TTN: variants seen among roughly 807,000 people sequenced by gnomAD.
TTN encodes the protein connectin.
Under a neutral mutation model 3,223.0 loss-of-function variants are expected in TTN, and 1,525 were observed. That is an observed-to-expected ratio of 0.47 (90% CI 0.45 to 0.49). The LOEUF (loss-of-function observed/expected upper bound fraction) is 0.49, where lower values mean the gene tolerates loss of function less well. TTN is among the 20% of genes least tolerant of loss of function. TTN has a pLI of 0.00. For missense variants in TTN, 40,786 were observed against 43,424.0 expected, an observed-to-expected ratio of 0.94 and a Z score of 5.40; for synonymous variants, 14,094 against 15,161.0, an observed-to-expected ratio of 0.93 and a Z score of 5.17.
At position 178,724,524 on chromosome 2, in the gene TTN, CAAT is replaced by C. The variant is rs750157545; in HGVS notation, c.20848_20850del (p.Ile6950del). 1 of 1,595,060 alleles carries C rather than the reference CAAT, an allele frequency of 6.3e-7. No individual in the cohort carries two copies. ...ACCGTCATCGGTCCTGCCTTCTCAACAATGACTGCGGGCTCTGAAATAAAACGT... is the reference window on the plus strand; with the variant it reads ...ACCGTCATCGGTCCTGCCTTCTCAACGACTGCGGGCTCTGAAATAAAACGT... On this transcript the variant is annotated inframe_deletion, in exon 72 of 363. Transcript: ENST00000589042.
intron 1 of TTN, among the ~76,000 whole-genome samples, chr2:178,806,200 T>C (rs1156395743): frequency 6.6e-6 from 1 of 152,022 alleles, no homozygotes; most frequent in African/African-American, 2.4e-5. Context: ...CTTTCATAAA[T>C]TTTTTTTGTC....
rs1057520389 is a variant in TTN, at chr2:178,802,244, A to G, written c.189T>C (p.Ala63=). 13 of 1,613,968 alleles carry G rather than the reference A, an allele frequency of 8.1e-6. No individual in the cohort carries two copies. Among genetic ancestry groups the G allele is most frequent in the Non-Finnish European group, 1.0e-5 (12 of 1,180,004 alleles). The change falls in exon 3 of 363, where the codon GCT becomes GCC. Residue 63 remains alanine (A), a synonymous_variant. Coordinates refer to ENST00000589042, the MANE Select transcript of TTN (RefSeq NM_001267550.2). ...GVQISFSDGR[A]KLTIPAVTKA... ...TAGTCACGGCGGGGATCGTCAGTTT[A>G]GCGCGGCCATCGCTAAAGGAGATCT...
rs768727194 is a variant in TTN at position 178,741,051 on chromosome 2, G to C, written c.12182C>G (p.Ala4061Gly). The C allele has an allele frequency of 1.2e-6, 2 of 1,613,906 alleles. No individual in the cohort carries two copies. Among genetic ancestry groups the C allele is most frequent in the South Asian group, 1.1e-5 (1 of 91,078 alleles). Residue 4061 changes from alanine (A) to glycine (G), a missense_variant, in exon 48 of 363, where the codon GCA becomes GGA. Transcript: ENST00000589042. ...DFPQTPLKGPAVEALDSEQEI... is the reference protein window; with the variant it reads ...DFPQTPLKGPGVEALDSEQEI... The stretch of plus-strand genomic sequence containing the variant: ...CTGCTCTGAGTCAAGTGCTTCAACT[G>C]CGGGACCCTTTAAGGGTGTCTGTGG...
chr2:178,794,608 T>TA, intron 7 of TTN, 57 bp from the exon 8 acceptor site: 3 of 1,610,502 alleles, frequency 1.9e-6, no homozygotes, highest in Non-Finnish European at 2.5e-6. Flanking sequence ...CAGTAGAAAA[T>TA]AAAAAAGCAT....
Position 178,732,476 on chromosome 2 carries a change from C to T in TTN, c.16585G>A (p.Gly5529Arg). ...TYTCKVSNVA[G>R]GVECSANLFV... ...AAGTTTGCACTGCATTCCACCCCTC[C>T]AGCGACATTGCTGACTTTACATGTG... Residue 5529 changes from glycine (G) to arginine (R), a missense_variant, in exon 56 of 363, where the codon GGA becomes AGA. Transcript: ENST00000589042. The T allele has an allele frequency of 6.2e-7, 1 of 1,612,688 alleles. No individual in the cohort carries two copies. The highest frequency in any genetic ancestry group is 1.7e-4 in the Middle Eastern group (1 of 6,048).
chr2:178,733,132 C>T lies in TTN; in HGVS notation c.16055-11G>A, dbSNP rs763387126. The stretch of plus-strand genomic sequence containing the variant: ...GAGCAATGTCTCGATCTGTGTGTTG[C>T]ACAAGAAGGGAGAAAAGGTCAATAT... On this transcript the variant is annotated splice_polypyrimidine_tract_variant and intron_variant, in intron 54 of 362. Transcript: ENST00000589042. 1.9e-6 allele frequency: 3 copies of T among 1,574,416 alleles called. No homozygotes were observed. The highest frequency in any genetic ancestry group is 2.4e-5 in the South Asian group (2 of 83,356).
intron 45 of TTN, 110 bp from the exon 46 acceptor site, chr2:178,756,907 T>A (rs757870687): frequency 5.4e-4 from 539 of 990,232 alleles, no homozygotes; most frequent in Non-Finnish European, 7.3e-4. Flanking sequence ...AAAGACGTAG[T>A]TGTCACTTGA....
At position 178,752,840 on chromosome 2, in the gene TTN, C is replaced by T. The variant is rs7590886; in HGVS notation, c.11311+284G>A. Among the ~76,000 whole-genome samples, 152,009 of 152,180 alleles carry T rather than the reference C, an allele frequency of 1. 75,919 individuals carry two copies. The highest frequency in any genetic ancestry group is 1 in the Non-Finnish European group (67,956 of 67,956). Reference sequence around the variant, plus strand: ...ATTTCATGCATTAAGATGACAACTTCTCCTAATATACACTTTTGGAAATGA... The same window carrying T: ...ATTTCATGCATTAAGATGACAACTTTTCCTAATATACACTTTTGGAAATGA... On this transcript the variant is annotated intron_variant, in intron 47 of 362. Coordinates refer to ENST00000589042, the MANE Select transcript of TTN (RefSeq NM_001267550.2).
At chr2:178,719,899 A>G in intron 81 of TTN, 67 bp from the exon 82 acceptor site, 1 of 1,549,920 alleles carries the variant, frequency 6.5e-7, no homozygotes, top group Non-Finnish European at 8.7e-7. Flanking sequence ...CAATCACTGA[A>G]TTACTGGATA....
At chr2:178,663,961 T>C (rs1159151253) in intron 169 of TTN, 54 bp downstream of exon 169, 2 of 1,610,930 alleles carry the variant, frequency 1.2e-6, no homozygotes, top group African/African-American at 1.3e-5. Flanking sequence ...GAAAAAAATA[T>C]TGTCAAGAGC....
chr2:178,802,014 T>C, intron 3 of TTN, 124 bp downstream of exon 3: 1 of 1,200,436 alleles, frequency 8.3e-7, no homozygotes, highest in African/African-American at 1.5e-5. Flanking sequence ...CAGCCTCCAG[T>C]AGACCCTTCT....
intron 243 of TTN, 129 bp from the exon 244 acceptor site, chr2:178,622,137 G>A: frequency 3.6e-6 from 3 of 834,390 alleles, no homozygotes; most frequent in Non-Finnish European, 3.6e-6. Context: ...GAAGAACCAA[G>A]GTGGCAGACA....
Position 178,719,675 on chromosome 2 carries a change from G to C in TTN, c.23817C>G (p.Phe7939Leu), listed in dbSNP as rs866647945. The C allele has an allele frequency of 6.2e-7, 1 of 1,613,680 alleles. No individual in the cohort carries two copies. Reference sequence around the variant, plus strand: ...TTTTAAGGGAAGCCACTTTATTGATGAATGTAATGTGATGTTTGCTGTCTG... The same window carrying C: ...TTTTAAGGGAAGCCACTTTATTGATCAATGTAATGTGATGTTTGCTGTCTG... Reference protein sequence around the residue: ...LSADSKHHITFINKVASLKIP... With the variant: ...LSADSKHHITLINKVASLKIP... The change falls in exon 82 of 363, where the codon TTC becomes TTG. Residue 7939 changes from phenylalanine (F) to leucine (L), a missense_variant. Phe to Leu is a conservative substitution (Grantham distance 22). Transcript: ENST00000589042.
Position 178,644,539 on chromosome 2 carries a change from G to A in TTN, c.40477+9C>T. ...TACATAAGTATGTATTTTTCAGCCT[G>A]TGAAATACCTTTCAGAGGTGTAAGC... On this transcript the variant is annotated intron_variant, in intron 218 of 362. Transcript: ENST00000589042. 1 of 1,569,092 alleles carries A rather than the reference G, an allele frequency of 6.4e-7. No homozygotes were observed. Among genetic ancestry groups the A allele is most frequent in the Non-Finnish European group, 8.6e-7 (1 of 1,161,892 alleles).
intron 321 of TTN, 72 bp downstream of exon 321, chr2:178,578,539 T>TCAA (rs1478250375): frequency 8.4e-7 from 1 of 1,187,152 alleles, no homozygotes; most frequent in East Asian, 2.5e-5. Flanking sequence ...AAGCACATGT[T>TCAA]CAACTGTTCT....
At chr2:178,622,887 C>T (rs2058505729) in intron 242 of TTN, 120 bp from the exon 243 acceptor site, 1 of 770,934 alleles carries the variant, frequency 1.3e-6, no homozygotes, top group East Asian at 2.7e-5. Context: ...TAATAGACTA[C>T]AACTGACTTT....
In TTN at chr2:178,552,995, C is replaced by T; in HGVS notation, c.89905G>A (p.Val29969Ile). ...TTGGTGGCATCTCTCTTTTCAATGA[C>T]ATAATTAATTATTGGAGATCCTCCA... ...IDGGSPIINY[V>I]IEKRDATKRT... is the part of the protein sequence containing the mutation. Residue 29969 changes from valine (V) to isoleucine (I), a missense_variant, in exon 335 of 363, where the codon GTC becomes ATC. Val to Ile is a conservative substitution (Grantham distance 29). Coordinates refer to ENST00000589042, the MANE Select transcript of TTN (RefSeq NM_001267550.2). 1 of 1,611,962 alleles carries T rather than the reference C, an allele frequency of 6.2e-7. No individual in the cohort carries two copies. Among genetic ancestry groups the T allele is most frequent in the Non-Finnish European group, 8.5e-7 (1 of 1,179,766 alleles).
In TTN at chr2:178,544,119, G is replaced by T; in HGVS notation, c.96029-4C>A. On this transcript the variant is annotated splice_polypyrimidine_tract_variant and splice_region_variant and intron_variant, in intron 345 of 362. Coordinates refer to ENST00000589042, the MANE Select transcript of TTN (RefSeq NM_001267550.2). The stretch of plus-strand genomic sequence containing the variant: ...GCAAGCTCAAGATCTGGTATTTCTG[G>T]AAAGTTAATGACAAAATTTAATTAA... 1.2e-6 allele frequency: 2 copies of T among 1,603,488 alleles called. No individual in the cohort carries two copies. Among genetic ancestry groups the T allele is most frequent in the Non-Finnish European group, 8.5e-7 (1 of 1,173,272 alleles).
chr2:178,745,597 G>A (rs750985821), intron 47 of TTN: 5 of 1,612,382 alleles, frequency 3.1e-6, no homozygotes, highest in South Asian at 2.2e-5. Context: ...AAGTTAAGGT[G>A]AGTGCTGCAA....
Sources: allele counts gnomAD v4.1 joint callset (sites outside exome capture counted in the v4.1 genomes callset), GRCh38; gene constraint gnomAD v4.1.1; transcripts MANE v1.5; gene names NCBI Gene and HGNC (gene_info 2026-07-23, HGNC 2026-07-21).